The following PPP6R3 variants were observed in gnomAD, a reference collection of about 807,000 sequenced individuals.
The protein encoded by PPP6R3 is protein phosphatase 6 regulatory subunit 3, also known as serine/threonine-protein phosphatase 6 regulatory subunit 3.
Under a neutral mutation model 110.7 loss-of-function variants are expected in PPP6R3, and 38 were observed. The observed-to-expected ratio is 0.34, with a 90% CI of 0.26 to 0.45. The LOEUF is 0.45. Among genes scored for constraint, PPP6R3 ranks in the 20% least tolerant of loss-of-function variants. The pLI is 1.00. For missense variants in PPP6R3, 870 were observed against 1,062.4 expected (o/e 0.82, Z 2.52); for synonymous variants, 369 against 373.5 (o/e 0.99, Z 0.14).
In PPP6R3 at chr11:68,540,585, A is replaced by G. The variant is rs546047428; in HGVS notation, c.227+2694A>G. On this transcript the variant is annotated intron_variant, in intron 3 of 23. Coordinates refer to ENST00000393800, the MANE Select transcript of PPP6R3 (RefSeq NM_001164161.2). The stretch of plus-strand genomic sequence containing the variant: ...GGTTTTGAGATCAACCCGTCTGACC[A>G]AAATTTGTTAGGCGGGAAGTTCCTC... 2.0e-5 allele frequency among the ~76,000 whole-genome samples: 3 copies of G among 152,278 alleles called. No homozygotes were observed. In the East Asian group the frequency reaches 5.8e-4, roughly 29 times the overall value.
intron 7 of PPP6R3, among the ~76,000 whole-genome samples, chr11:68,555,650 C>G (rs1042737494): frequency 3.3e-5 from 5 of 152,200 alleles, no homozygotes; most frequent in African/African-American, 1.2e-4. Context: ...AATGTGTAAC[C>G]TAGCCACCAG....
At chr11:68,560,569 C>A (rs1202142007) in intron 8 of PPP6R3, among the ~76,000 whole-genome samples, 1 of 152,142 alleles carries the variant, frequency 6.6e-6, no homozygotes, top group Admixed American at 6.5e-5. Context: ...ATATTGAAAA[C>A]CTTTAACAAA....
At chr11:68,526,923 A>G (rs2099201993) in intron 2 of PPP6R3, among the ~76,000 whole-genome samples, 1 of 152,236 alleles carries the variant, frequency 6.6e-6, no homozygotes, top group Non-Finnish European at 1.5e-5. Context: ...GACAAAAGTA[A>G]GGCTGGATTT....
At chr11:68,516,312 A>G (rs1482657187) in intron 1 of PPP6R3, among the ~76,000 whole-genome samples, 1 of 152,222 alleles carries the variant, frequency 6.6e-6, no homozygotes, top group Non-Finnish European at 1.5e-5. Flanking sequence ...ACCTCATACA[A>G]CACATGTGAC....
At chr11:68,556,803 A>G (rs1192243300) in intron 7 of PPP6R3, among the ~76,000 whole-genome samples, 1 of 152,224 alleles carries the variant, frequency 6.6e-6, no homozygotes, top group Non-Finnish European at 1.5e-5. Flanking sequence ...GGGTTTGGTG[A>G]TACTTGCGTG....
At chr11:68,496,571 C>G (rs1298723484) in intron 1 of PPP6R3, among the ~76,000 whole-genome samples, 1 of 151,958 alleles carries the variant, frequency 6.6e-6, no homozygotes, top group Non-Finnish European at 1.5e-5. Flanking sequence ...CACCTGGGTT[C>G]AAGCAATTCT....
At chr11:68,555,971 G>A (rs2099397813) in intron 7 of PPP6R3, among the ~76,000 whole-genome samples, 1 of 152,174 alleles carries the variant, frequency 6.6e-6, no homozygotes. Context: ...ACAATACACA[G>A]TGAGAAAAGA....
chr11:68,593,921 C>G (rs1418068626), intron 18 of PPP6R3, among the ~76,000 whole-genome samples: 1 of 151,954 alleles, frequency 6.6e-6, no homozygotes, highest in Non-Finnish European at 1.5e-5. Flanking sequence ...AGGAGGATTG[C>G]TGGGAAGTCG....
rs758885977 is a variant in PPP6R3, at chr11:68,537,806, C to T, written c.142C>T (p.Leu48=). 1.9e-6 allele frequency: 3 copies of T among 1,614,032 alleles called. No individual in the cohort carries two copies. The highest frequency in any genetic ancestry group is 2.5e-6 in the Non-Finnish European group (3 of 1,179,924). The change falls in exon 3 of 24, where the codon CTG becomes TTG. Residue 48 remains leucine (L), a synonymous_variant. Transcript: ENST00000393800. ...TCAGAACCGCAAACTTATAGAGTTTCTGTTAAAAGCAGAATGTCTCGAAGA... is the reference window on the plus strand; with the variant it reads ...TCAGAACCGCAAACTTATAGAGTTTTTGTTAAAAGCAGAATGTCTCGAAGA... The part of the protein sequence containing the change: ...KAQNRKLIEF[L]LKAECLEDLV...
chr11:68,468,500 G>C (rs1169179485), intron 1 of PPP6R3, among the ~76,000 whole-genome samples: 2 of 152,198 alleles, frequency 1.3e-5, no homozygotes, highest in Non-Finnish European at 2.9e-5. Flanking sequence ...GGACTCAGCA[G>C]CTATGAGATC....
At chr11:68,500,967 GT>G (rs2099045606) in intron 1 of PPP6R3, among the ~76,000 whole-genome samples, 1 of 152,224 alleles carries the variant, frequency 6.6e-6, no homozygotes, top group South Asian at 2.1e-4. Context: ...TTCCTTTTCT[GT>G]GTGTACGGGA....
chr11:68,524,384 C>T (rs1011522616), intron 2 of PPP6R3, among the ~76,000 whole-genome samples: 1 of 152,098 alleles, frequency 6.6e-6, no homozygotes, highest in East Asian at 1.9e-4. Flanking sequence ...ATGTGGTTGC[C>T]AGACTCTTTG....
chr11:68,504,604 C>T (rs982186546), intron 1 of PPP6R3, among the ~76,000 whole-genome samples: 3 of 152,144 alleles, frequency 2.0e-5, no homozygotes, highest in African/African-American at 7.2e-5. Context: ...GAGAGCATCC[C>T]GTTTTACTTG....
intron 1 of PPP6R3, among the ~76,000 whole-genome samples, chr11:68,507,621 G>A (rs1205703250): frequency 6.6e-6 from 1 of 152,136 alleles, no homozygotes; most frequent in Admixed American, 6.5e-5. Flanking sequence ...AAACTTGGGT[G>A]CTTTAGAAAA....
intron 1 of PPP6R3, among the ~76,000 whole-genome samples, chr11:68,491,274 A>G (rs909231842): frequency 6.7e-6 from 1 of 149,378 alleles, no homozygotes; most frequent in Non-Finnish European, 1.5e-5. Flanking sequence ...TTTATTAAAA[A>G]TTTTTTTTTC....
At position 68,485,267 on chromosome 11, in the gene PPP6R3, C is replaced by T. The variant is rs964290385; in HGVS notation, c.-158+24440C>T. Among the ~76,000 whole-genome samples, 28 of 130,414 alleles carry T rather than the reference C, an allele frequency of 2.1e-4. No individual in the cohort carries two copies. In the East Asian group the frequency reaches 2.9e-3, roughly 13 times the overall value. The allele number at this position is 130,414 out of a possible 152,430, so 85.6% of individuals were successfully genotyped here. On this transcript the variant is annotated intron_variant, in intron 1 of 23. Coordinates refer to ENST00000393800, the MANE Select transcript of PPP6R3 (RefSeq NM_001164161.2). ...ACCTTGGTATAATGGCTTATAAGTT[C>T]TGGGACTTTTTTTTTTTTTTTTTTT...
At chr11:68,542,494 A>G (rs2099325210) in intron 3 of PPP6R3, among the ~76,000 whole-genome samples, 1 of 143,638 alleles carries the variant, frequency 7.0e-6, no homozygotes, top group Non-Finnish European at 1.5e-5. Context: ...CCCAGGTTCA[A>G]GTGATTCCTG....
At position 68,600,501 on chromosome 11, in the gene PPP6R3, G is replaced by C. The variant is rs372829620; in HGVS notation, c.2192+7G>C. The C allele has an allele frequency of 1.6e-5, 26 of 1,611,758 alleles. No homozygotes were observed. Among genetic ancestry groups the C allele is most frequent in the Non-Finnish European group, 2.1e-5 (25 of 1,179,350 alleles). On this transcript the variant is annotated splice_region_variant and intron_variant, in intron 20 of 23. Transcript: ENST00000393800. ...AGTTCACGTCTTCCCTGAGGTGAGC[G>C]AACATGTGCTGTCTCTACACCCTTC...
At chr11:68,600,275 T>A (rs984145179) in intron 19 of PPP6R3, 66 bp from the exon 20 acceptor site, 3 of 1,525,198 alleles carry the variant, frequency 2.0e-6, no homozygotes, top group Non-Finnish European at 2.7e-6. Context: ...GTGTTTTTGA[T>A]AAATACCTTG....
Sources: allele counts gnomAD v4.1 joint callset (sites outside exome capture counted in the v4.1 genomes callset), GRCh38; gene constraint gnomAD v4.1.1; transcripts MANE v1.5; gene names NCBI Gene and HGNC (gene_info 2026-07-23, HGNC 2026-07-21).